PIEZO1: variants seen among roughly 807,000 people sequenced by gnomAD.
PIEZO1 encodes piezo type mechanosensitive ion channel component 1 (Er blood group).
A neutral mutation model predicts 297.2 loss-of-function variants in PIEZO1; 296 were observed. That is an observed-to-expected ratio of 1.00 (90% CI 0.91 to 1.10). PIEZO1 has a LOEUF of 1.10. Ranked by LOEUF, PIEZO1 falls within the 50% of genes least tolerant of loss-of-function variation. The pLI, the probability that PIEZO1 is intolerant of heterozygous loss-of-function variation, is 0.00. For missense variants in PIEZO1, 5,018 were observed against 3,455.5 expected, an observed-to-expected ratio of 1.45 and a Z score of -11.34; for synonymous variants, 2,427 against 1,507.5, an observed-to-expected ratio of 1.61 and a Z score of -14.13.
intron 30 of PIEZO1, 122 bp downstream of exon 30, chr16:88,724,887 C>T (rs760624935): frequency 2.9e-5 from 18 of 630,930 alleles, no homozygotes; most frequent in East Asian, 6.8e-5. Flanking sequence ...GGCCTGAGCA[C>T]GTCCTGACGC....
In PIEZO1 at chr16:88,725,665, CGTT is replaced by C. The variant is rs1567665255; in HGVS notation, c.3985_3987del (p.Asn1329del). 6.5e-7 allele frequency: 1 copy of C among 1,547,024 alleles called. No individual in the cohort carries two copies. The highest frequency in any genetic ancestry group is 8.7e-7 in the Non-Finnish European group (1 of 1,143,840). On this transcript the variant is annotated inframe_deletion, in exon 28 of 51. Coordinates refer to ENST00000301015, the MANE Select transcript of PIEZO1 (RefSeq NM_001142864.4). Reference sequence around the variant, plus strand: ...AAGTCAATGCTCTTGAGGTTGGCAGCGTTGTAGAGGGCGAAGCCCCTGTAGGGA... The same window carrying C: ...AAGTCAATGCTCTTGAGGTTGGCAGCGTAGAGGGCGAAGCCCCTGTAGGGA...
In PIEZO1 at chr16:88,722,297, T is replaced by C; in HGVS notation, c.4876A>G (p.Thr1626Ala). The change falls in exon 36 of 51, where the codon ACC becomes GCC. Residue 1626 changes from threonine (T) to alanine (A), a missense_variant. By Grantham distance (58) the Thr-to-Ala change is moderately conservative. Transcript: ENST00000301015. Reference sequence around the variant, plus strand: ...CCAGCCTCACGCTCCCCGGGGTCGGTGACTGCCTCCTCACTGCCACTGCGC... The same window carrying C: ...CCAGCCTCACGCTCCCCGGGGTCGGCGACTGCCTCCTCACTGCCACTGCGC... ...HTRSGSEEAV[T>A]DPGEREAGAS... is the part of the protein sequence containing the mutation. 1 of 1,548,448 alleles carries C rather than the reference T, an allele frequency of 6.5e-7. No homozygotes were observed.
chr16:88,754,833 C>T (rs1216564925), intron 1 of PIEZO1, among the ~76,000 whole-genome samples: 1 of 152,238 alleles, frequency 6.6e-6, no homozygotes, highest in Non-Finnish European at 1.5e-5. Flanking sequence ...ACCCGGGACC[C>T]ACAGGAGCTG....
Position 88,738,645 on chromosome 16 carries a change from G to C in PIEZO1, c.557C>G (p.Ala186Gly), listed in dbSNP as rs1375624359. ...LAPTRRSRLA[A>G]RFRVTAHWLL... ...CCAGTGGGCCGTGACTCGGAAACGA[G>C]CGGCCAGCCGTGACCTCCGTGTAGG... The change falls in exon 6 of 51, where the codon GCT becomes GGT. Residue 186 changes from alanine (A) to glycine (G), a missense_variant. Transcript: ENST00000301015. 4.1e-5 allele frequency: 63 copies of C among 1,535,600 alleles called. No individual in the cohort carries two copies. The highest frequency in any genetic ancestry group is 5.2e-5 in the Non-Finnish European group (60 of 1,146,752).
chr16:88,737,480 C>G (rs1322136950), intron 10 of PIEZO1, 79 bp downstream of exon 10: 7 of 993,748 alleles, frequency 7.0e-6, no homozygotes, highest in African/African-American at 1.6e-5. Context: ...GCGAGAGCGC[C>G]AGGCGGCCAC....
In PIEZO1 at chr16:88,715,345, G is replaced by T; in HGVS notation, c.*260C>A. ...AAGGACGGGGGACTGGCCTCTGATTGTCCATTTGTATAAATAAAACATTTT... is the reference window on the plus strand; with the variant it reads ...AAGGACGGGGGACTGGCCTCTGATTTTCCATTTGTATAAATAAAACATTTT... On this transcript the variant is annotated 3_prime_UTR_variant, in exon 51 of 51. Coordinates refer to ENST00000301015, the MANE Select transcript of PIEZO1 (RefSeq NM_001142864.4). The T allele has an allele frequency of 1.5e-6, 2 of 1,308,524 alleles. No homozygotes were observed. Among genetic ancestry groups the T allele is most frequent in the Non-Finnish European group, 2.1e-6 (2 of 954,084 alleles). 81.1% of individuals were successfully genotyped at this position (1,308,524 alleles called of 1,614,324 possible). A position where few individuals can be genotyped will look rare whatever the true frequency, so the allele number is the denominator to read the frequency against.
At position 88,732,481 on chromosome 16, in the gene PIEZO1, G is replaced by C. The variant is rs1597455560; in HGVS notation, c.2845C>G (p.Gln949Glu). ...TGGTGCTGCCGGCGGTAGTGCTCCTGGCGCCGGTACACGATGGCCTCGAAT... is the reference window on the plus strand; with the variant it reads ...TGGTGCTGCCGGCGGTAGTGCTCCTCGCGCCGGTACACGATGGCCTCGAAT... ...LVFEAIVYRR[Q>E]EHYRRQHQLA... is the part of the protein sequence containing the mutation. The change falls in exon 21 of 51, where the codon CAG becomes GAG. Residue 949 changes from glutamine (Q) to glutamate (E), a missense_variant. Gln to Glu is a conservative substitution (Grantham distance 29). Coordinates refer to ENST00000301015, the MANE Select transcript of PIEZO1 (RefSeq NM_001142864.4). 6 of 1,549,230 alleles carry C rather than the reference G, an allele frequency of 3.9e-6. No individual in the cohort carries two copies. The East Asian group carries it at 1.5e-4, about 38-fold the overall frequency.
chr16:88,751,620 C>T lies in PIEZO1; in HGVS notation c.65-2141G>A, dbSNP rs188264830. ...CCTCCCATTAACGCACCAAGCATAG[C>T]CATCGGCTCCATGCTTTTAAATCTA... is the stretch of plus-strand genomic sequence containing the variant. On this transcript the variant is annotated intron_variant, in intron 1 of 50. Coordinates refer to ENST00000301015, the MANE Select transcript of PIEZO1 (RefSeq NM_001142864.4). 8.0e-4 allele frequency among the ~76,000 whole-genome samples: 122 copies of T among 152,192 alleles called. No homozygotes were observed. In the East Asian group the frequency reaches 0.015, roughly 19 times the overall value.
At chr16:88,727,534 CG>C in intron 23 of PIEZO1, 22 bp downstream of exon 23, 6 of 741,732 alleles carry the variant, frequency 8.1e-6, no homozygotes, top group Non-Finnish European at 1.0e-5. Flanking sequence ...TCTGCAGAGG[CG>C]GGGGTGGTGG....
Position 88,736,391 on chromosome 16 carries a change from G to T in PIEZO1, c.1314C>A (p.Tyr438Ter). Residue 438 changes from tyrosine to a stop codon, truncating the protein, a stop_gained, in exon 12 of 51, where the codon TAC becomes TAA. Coordinates refer to ENST00000301015, the MANE Select transcript of PIEZO1 (RefSeq NM_001142864.4). LOFTEE classifies it high-confidence loss of function. Reference sequence around the variant, plus strand: ...GCAGTACGAAGGTCAGCCAGCTGTGGTAGGTGATGCTCCATACCTGCGCGG... The same window carrying T: ...GCAGTACGAAGGTCAGCCAGCTGTGTTAGGTGATGCTCCATACCTGCGCGG... ...LIAMMVWSIT[Y>*]HSWLTFVLLL... is the part of the protein sequence containing the mutation. The T allele has an allele frequency of 6.5e-7, 1 of 1,549,160 alleles. No individual in the cohort carries two copies. Among genetic ancestry groups the T allele is most frequent in the Non-Finnish European group, 8.7e-7 (1 of 1,146,662 alleles).
At chr16:88,717,643 A>G in intron 44 of PIEZO1, 1 of 452,146 alleles carries the variant, frequency 2.2e-6, no homozygotes, top group Non-Finnish European at 4.4e-6. Flanking sequence ...AACAAAGTAA[A>G]CCAGATATTA....
At chr16:88,751,274 T>C (rs1371826994) in intron 1 of PIEZO1, among the ~76,000 whole-genome samples, 1 of 152,150 alleles carries the variant, frequency 6.6e-6, no homozygotes, top group Admixed American at 6.5e-5. Context: ...AGGCCGGGCC[T>C]TTCACAGCCT....
At chr16:88,770,321 G>GC (rs1435072695) in intron 1 of PIEZO1, among the ~76,000 whole-genome samples, 1 of 152,106 alleles carries the variant, frequency 6.6e-6, no homozygotes, top group Non-Finnish European at 1.5e-5. Flanking sequence ...GGTCACACCT[G>GC]CCCCCCAGCC....
chr16:88,720,799 C>T, intron 39 of PIEZO1, 51 bp from the exon 40 acceptor site: 5 of 1,447,636 alleles, frequency 3.5e-6, no homozygotes, highest in South Asian at 1.5e-5. Context: ...CTGGGCCTGG[C>T]TCATGGCTCC....
At chr16:88,737,512 G>A (rs1396435713) in intron 10 of PIEZO1, 47 bp downstream of exon 10, 67 of 1,338,050 alleles carry the variant, frequency 5.0e-5, no homozygotes, top group Non-Finnish European at 6.1e-5. Flanking sequence ...ACCGGCCTCC[G>A]CCCCGCCCCC....
intron 2 of PIEZO1, chr16:88,742,992 A>G: frequency 2.2e-6 from 1 of 451,468 alleles, no homozygotes; most frequent in South Asian, 1.6e-5. Context: ...CCCAGTCCCC[A>G]TGGCCACCCT....
intron 1 of PIEZO1, among the ~76,000 whole-genome samples, chr16:88,771,758 CCCGT>C (rs1278010959): frequency 1.1e-4 from 16 of 149,502 alleles, no homozygotes; most frequent in African/African-American, 2.7e-4. Context: ...AGACTCTATG[CCCGT>C]CCACCCGCGG....
At position 88,716,436 on chromosome 16, in the gene PIEZO1, A is replaced by T; in HGVS notation, c.6974T>A (p.Met2325Lys). The change falls in exon 48 of 51, where the codon ATG becomes AAG. Residue 2325 changes from methionine to lysine, a missense_variant. Physicochemically the swap from Met to Lys is moderately conservative, Grantham distance 95. Transcript: ENST00000301015. ...GTVEYANEKH[M>K]LALAPNSTAR... ...AGTGCTGTTGGGGGCCAGGGCCAGC[A>T]TGTGCTTCTCGTTGGCATACTCCAC... 6.5e-7 allele frequency: 1 copy of T among 1,549,794 alleles called. No individual in the cohort carries two copies. The highest frequency in any genetic ancestry group is 2.0e-5 in the Admixed American group (1 of 50,926).
rs760078310 is a variant in PIEZO1, at chr16:88,738,053, C to T, written c.901G>A (p.Ala301Thr). The T allele has an allele frequency of 8.5e-6, 13 of 1,535,706 alleles. No individual in the cohort carries two copies. Among genetic ancestry groups the T allele is most frequent in the South Asian group, 2.4e-5 (2 of 84,068 alleles). The part of the protein sequence containing the change: ...VGPTNCSSPH[A>T]LVLNTGLDWP... Reference sequence around the variant, plus strand: ...TCCAGGCCGGTGTTGAGGACCAGCGCGTGGGGGCTGGAGCAGTTGGTGGGA... The same window carrying T: ...TCCAGGCCGGTGTTGAGGACCAGCGTGTGGGGGCTGGAGCAGTTGGTGGGA... Residue 301 changes from alanine to threonine, a missense_variant, in exon 8 of 51, where the codon GCG (alanine) becomes ACG (threonine). Physicochemically the swap from Ala to Thr is moderately conservative, Grantham distance 58 (BLOSUM62 0). Coordinates refer to ENST00000301015, the MANE Select transcript of PIEZO1 (RefSeq NM_001142864.4).
Sources: allele counts gnomAD v4.1 joint callset (sites outside exome capture counted in the v4.1 genomes callset), GRCh38; gene constraint gnomAD v4.1.1; transcripts MANE v1.5; gene names NCBI Gene and HGNC (gene_info 2026-07-23, HGNC 2026-07-21).